The following MAP2K4 variants were observed in gnomAD, a reference collection of about 807,000 sequenced individuals.
The protein encoded by MAP2K4 is dual specificity mitogen-activated protein kinase kinase 4.
Under a neutral mutation model 48.5 loss-of-function variants are expected in MAP2K4, and 4 were observed. The observed-to-expected ratio is 0.08, with a 90% confidence interval of 0.04 to 0.19. The LOEUF (loss-of-function observed/expected upper bound fraction) is 0.19. MAP2K4 is among the 10% of genes least tolerant of loss of function. The probability of loss-of-function intolerance (pLI) is 1.00; values close to 1 mark genes in which losing one functional copy is unlikely to be tolerated. For missense variants in MAP2K4, 258 were observed against 493.3 expected (o/e 0.52, Z 4.52); for synonymous variants, 166 against 173.1 (o/e 0.96, Z 0.32).
chr17:12,021,478 G>A (rs545030496), intron 1 of MAP2K4: 5 of 152,136 alleles, frequency 3.3e-5, no homozygotes, highest in African/African-American at 1.2e-4. Context: ...CGCCGCCGCA[G>A]TGGGCCCCGC....
intron 9 of MAP2K4, among the ~76,000 whole-genome samples, chr17:12,137,875 C>T (rs1000550783): frequency 6.7e-6 from 1 of 149,378 alleles, no homozygotes; most frequent in African/African-American, 2.6e-5. Flanking sequence ...AAATGATAAA[C>T]AAAGGTATAA....
intron 2 of MAP2K4, among the ~76,000 whole-genome samples, chr17:12,077,021 G>A (rs901342972): frequency 6.6e-6 from 1 of 152,162 alleles, no homozygotes; most frequent in African/African-American, 2.4e-5. Context: ...GTCATTCTGA[G>A]GCAGGATGCT....
At chr17:12,077,556 C>T (rs1337327317) in intron 2 of MAP2K4, among the ~76,000 whole-genome samples, 1 of 152,134 alleles carries the variant, frequency 6.6e-6, no homozygotes, top group Admixed American at 6.5e-5. Context: ...CTCCATCATT[C>T]TCAGGACATT....
At chr17:12,057,939 GT>G (rs993427795) in intron 2 of MAP2K4, among the ~76,000 whole-genome samples, 3 of 150,230 alleles carry the variant, frequency 2.0e-5, no homozygotes, top group East Asian at 2.0e-4. Flanking sequence ...CTCTTTCTCA[GT>G]TTTTTTTTAC....
At chr17:12,070,649 A>G (rs1292840381) in intron 2 of MAP2K4, among the ~76,000 whole-genome samples, 2 of 152,236 alleles carry the variant, frequency 1.3e-5, no homozygotes, top group Non-Finnish European at 2.9e-5. Context: ...GGTATCATTT[A>G]TATCATGTAG....
At chr17:12,051,913 G>C (rs1970151546) in intron 1 of MAP2K4, among the ~76,000 whole-genome samples, 1 of 151,380 alleles carries the variant, frequency 6.6e-6, no homozygotes, top group South Asian at 2.1e-4. Context: ...GAGAGGAGAA[G>C]ATGCCTTTTT....
intron 1 of MAP2K4, among the ~76,000 whole-genome samples, chr17:12,032,824 A>T (rs1296853030): frequency 6.6e-6 from 1 of 151,882 alleles, no homozygotes; most frequent in Non-Finnish European, 1.5e-5. Context: ...TTCTATATCA[A>T]AAAAAAAGTT....
intron 1 of MAP2K4, among the ~76,000 whole-genome samples, chr17:12,044,510 AAGG>A (rs1251569751): frequency 1.3e-5 from 2 of 152,240 alleles, no homozygotes; most frequent in Admixed American, 6.5e-5. Flanking sequence ...ACTTGCCAAG[AAGG>A]AGAAGTCAGA....
intron 3 of MAP2K4, among the ~76,000 whole-genome samples, chr17:12,093,173 A>G (rs1228860067): frequency 6.6e-6 from 1 of 152,216 alleles, no homozygotes; most frequent in Non-Finnish European, 1.5e-5. Context: ...AATCAATTTC[A>G]TGTTAGACTA....
intron 1 of MAP2K4, among the ~76,000 whole-genome samples, chr17:12,024,156 CTG>C (rs1348105832): frequency 6.6e-6 from 1 of 152,090 alleles, no homozygotes; most frequent in Non-Finnish European, 1.5e-5. Flanking sequence ...AACTCCGGAT[CTG>C]TTTTTTTCTG....
intron 9 of MAP2K4, among the ~76,000 whole-genome samples, chr17:12,138,907 A>T (rs1210058255): frequency 6.6e-6 from 1 of 152,146 alleles, no homozygotes; most frequent in East Asian, 1.9e-4. Context: ...GGACTGTCCC[A>T]GGAGGGCTAA....
At chr17:12,034,890 C>T (rs1261398256) in intron 1 of MAP2K4, among the ~76,000 whole-genome samples, 4 of 152,182 alleles carry the variant, frequency 2.6e-5, no homozygotes, top group Admixed American at 2.6e-4. Context: ...TGGGCCTACC[C>T]TGCTTTGGAG....
chr17:12,078,666 A>G (rs1434313728), intron 2 of MAP2K4, among the ~76,000 whole-genome samples: 1 of 152,170 alleles, frequency 6.6e-6, no homozygotes, highest in Non-Finnish European at 1.5e-5. Context: ...GCAACTTTAC[A>G]TCTTTATTGG....
intron 2 of MAP2K4, among the ~76,000 whole-genome samples, chr17:12,071,745 G>C (rs1970816854): frequency 6.6e-6 from 1 of 152,114 alleles, no homozygotes; most frequent in Admixed American, 6.5e-5. Context: ...AGCAAGTAGA[G>C]GAGTGGCAGT....
chr17:12,108,204 A>G (rs777786542), intron 5 of MAP2K4, among the ~76,000 whole-genome samples: 26 of 152,144 alleles, frequency 1.7e-4, no homozygotes, highest in Non-Finnish European at 3.4e-4. Context: ...TGCTTTAACT[A>G]TTTTTAAATA....
chr17:12,082,121 C>T (rs903683160), intron 3 of MAP2K4: 5 of 270,100 alleles, frequency 1.9e-5, no homozygotes, highest in African/African-American at 4.5e-5. Flanking sequence ...CTTATTGTGT[C>T]GTGCCACTTA....
intron 7 of MAP2K4, among the ~76,000 whole-genome samples, chr17:12,119,281 A>G (rs1972599567): frequency 6.6e-6 from 1 of 152,222 alleles, no homozygotes; most frequent in Non-Finnish European, 1.5e-5. Context: ...CAGCATCTAT[A>G]AGGAACTTAA....
rs1158570722 is a variant in MAP2K4 at position 12,142,545 on chromosome 17, A to T, written c.*1285A>T. On this transcript the variant is annotated 3_prime_UTR_variant, in exon 11 of 11. Transcript: ENST00000353533. Reference sequence around the variant, plus strand: ...GGCTAAGAATAGTGGGGCCCAGCCGATGTGGTAGGTGATAAAGAGGCATCT... The same window carrying T: ...GGCTAAGAATAGTGGGGCCCAGCCGTTGTGGTAGGTGATAAAGAGGCATCT... 3 of 232,966 alleles carry T rather than the reference A, an allele frequency of 1.3e-5. No homozygotes were observed. Among genetic ancestry groups the T allele is most frequent in the Admixed American group, 5.6e-5 (1 of 17,776 alleles). The allele number at this position is 232,966 out of a possible 1,614,324, so 14.4% of individuals were successfully genotyped here. A position where few individuals can be genotyped will look rare whatever the true frequency, so the allele number is the denominator to read the frequency against.
intron 7 of MAP2K4, among the ~76,000 whole-genome samples, chr17:12,117,504 A>G (rs1972541678): frequency 6.6e-6 from 1 of 152,194 alleles, no homozygotes; most frequent in South Asian, 2.1e-4. Context: ...TACAAAGGGT[A>G]ATAAAATGGC....
Sources: allele counts gnomAD v4.1 joint callset (sites outside exome capture counted in the v4.1 genomes callset), GRCh38; gene constraint gnomAD v4.1.1; transcripts MANE v1.5; gene names NCBI Gene and HGNC (gene_info 2026-07-23, HGNC 2026-07-21).